The following MOXD1 variants were observed in gnomAD, a reference collection of about 807,000 sequenced individuals.
MOXD1 encodes the protein monooxygenase DBH like 1.
In MOXD1, 62 loss-of-function variants were observed where a neutral mutation model predicts 66.6. The ratio of observed to expected loss-of-function variants is 0.93; its 90% CI spans 0.76 to 1.15. The LOEUF is 1.15. MOXD1 is among the 50% of genes most tolerant of loss of function. The pLI, the probability that MOXD1 is intolerant of heterozygous loss-of-function variation, is 0.00. For synonymous variants in MOXD1, 303 were observed against 281.9 expected, an observed-to-expected ratio of 1.07 and a Z score of -0.75; for missense variants, 847 against 754.6, an observed-to-expected ratio of 1.12 and a Z score of -1.44.
intron 4 of MOXD1, among the ~76,000 whole-genome samples, chr6:132,338,463 T>C (rs990920056): frequency 6.6e-6 from 1 of 152,274 alleles, no homozygotes; most frequent in South Asian, 2.1e-4. Flanking sequence ...GGTATGGAGA[T>C]GGGGATGTCC....
chr6:132,392,125 G>A (rs1325741289), intron 1 of MOXD1: 13 of 1,452,914 alleles, frequency 8.9e-6, no homozygotes, highest in Middle Eastern at 1.8e-4. Context: ...CTTTGTCGCC[G>A]TTGGCTGGGG....
At chr6:132,397,696 AAG>A (rs1333799896) in intron 1 of MOXD1, among the ~76,000 whole-genome samples, 1 of 149,084 alleles carries the variant, frequency 6.7e-6, no homozygotes, top group Non-Finnish European at 1.5e-5. Context: ...GAAAGAAAGA[AAG>A]AAAAAGAAAG....
intron 10 of MOXD1, among the ~76,000 whole-genome samples, chr6:132,315,012 C>T (rs539609232): frequency 7.2e-5 from 11 of 152,104 alleles, no homozygotes; most frequent in Non-Finnish European, 1.5e-4. Flanking sequence ...AAATAGTAAA[C>T]GATTTCCTAT....
intron 4 of MOXD1, among the ~76,000 whole-genome samples, chr6:132,332,152 C>T (rs1440782789): frequency 6.6e-6 from 1 of 152,186 alleles, no homozygotes; most frequent in Non-Finnish European, 1.5e-5. Context: ...AATAACAAGG[C>T]TTCTCTTTGA....
At chr6:132,319,831 C>T (rs1220707469) in intron 9 of MOXD1, among the ~76,000 whole-genome samples, 1 of 151,950 alleles carries the variant, frequency 6.6e-6, no homozygotes, top group African/African-American at 2.4e-5. Context: ...TCCAGGCTTG[C>T]TAAATGTCTC....
At chr6:132,306,599 G>A (rs1439487177) in intron 10 of MOXD1, among the ~76,000 whole-genome samples, 1 of 152,106 alleles carries the variant, frequency 6.6e-6, no homozygotes, top group Non-Finnish European at 1.5e-5. Flanking sequence ...AAACTGTTAA[G>A]GGCAGCCAGA....
At position 132,297,148 on chromosome 6, in the gene MOXD1, T is replaced by C; in HGVS notation, c.*5A>G. ...AAAACATTGTCAAGTCCAACAGAAT[T>C]TTGATCACAAGCTCTTGGTGCTCAG... On this transcript the variant is annotated 3_prime_UTR_variant, in exon 12 of 12. Coordinates refer to ENST00000367963, the MANE Select transcript of MOXD1 (RefSeq NM_015529.4). 1 of 1,612,666 alleles carries C rather than the reference T, an allele frequency of 6.2e-7. No individual in the cohort carries two copies. Among genetic ancestry groups the C allele is most frequent in the Non-Finnish European group, 8.5e-7 (1 of 1,179,180 alleles).
At chr6:132,297,644 G>T in intron 11 of MOXD1, 143 bp downstream of exon 11, 1 of 1,010,330 alleles carries the variant, frequency 9.9e-7, no homozygotes, top group African/African-American at 1.6e-5. Flanking sequence ...GTCAATCCAA[G>T]TAATCATTGA....
At chr6:132,373,192 T>C (rs565654828) in intron 2 of MOXD1, among the ~76,000 whole-genome samples, 195 bp from the exon 3 acceptor site, 1 of 152,260 alleles carries the variant, frequency 6.6e-6, no homozygotes, top group African/African-American at 2.4e-5. Flanking sequence ...AATATATGAG[T>C]TACTTTTTGG....
chr6:132,364,321 G>T (rs180804080), intron 4 of MOXD1, among the ~76,000 whole-genome samples: 230 of 152,206 alleles, frequency 1.5e-3, no homozygotes, highest in Middle Eastern at 3.4e-3. Flanking sequence ...TTGTTTCAGT[G>T]CAGCCCTGAC....
chr6:132,297,758 T>C (rs373372989), intron 11 of MOXD1, 29 bp downstream of exon 11: 42 of 1,564,130 alleles, frequency 2.7e-5, no homozygotes, highest in Non-Finnish European at 3.1e-5. Context: ...ATGTGTCATC[T>C]GGGTTGTCAG....
In MOXD1 at chr6:132,345,688, A is replaced by C. The variant is rs1395312853; in HGVS notation, c.664-17094T>G. ...ATCTCCTCTTATTTTTTAATGTAAA[A>C]TTTGTATTTAGAGTAATAACTGACT... On this transcript the variant is annotated intron_variant, in intron 4 of 11. Transcript: ENST00000367963. Among the ~76,000 whole-genome samples, 3 of 152,166 alleles carry C rather than the reference A, an allele frequency of 2.0e-5. No homozygotes were observed. In the East Asian group the frequency reaches 5.8e-4, roughly 29 times the overall value.
At chr6:132,380,994 T>C (rs1433069805) in intron 1 of MOXD1, among the ~76,000 whole-genome samples, 2 of 152,158 alleles carry the variant, frequency 1.3e-5, no homozygotes, top group African/African-American at 4.8e-5. Context: ...TTTAAATCCT[T>C]TTACACAAGG....
rs769280394 is a variant in MOXD1 at position 132,297,919 on chromosome 6, A to C, written c.1545T>G (p.Tyr515Ter). 6.2e-7 allele frequency: 1 copy of C among 1,612,584 alleles called. No homozygotes were observed. Among genetic ancestry groups the C allele is most frequent in the Non-Finnish European group, 8.5e-7 (1 of 1,179,440 alleles). Residue 515 changes from tyrosine (Y) to a stop codon, truncating the protein, a stop_gained, in exon 11 of 12, where the codon TAT (tyrosine) becomes TAG (stop). Transcript: ENST00000367963. LOFTEE classifies it high-confidence loss of function. The part of the protein sequence containing the change: ...WPFIIKSPKQ[Y>*]KNLSFMDAMN... ...TAGCATCCATGAAAGAAAGGTTTTT[A>C]TATTGCTTGGGACTTTTGATAATGA...
chr6:132,385,155 C>T (rs895950135), intron 1 of MOXD1, among the ~76,000 whole-genome samples: 3 of 152,068 alleles, frequency 2.0e-5, no homozygotes, highest in Non-Finnish European at 2.9e-5. Context: ...ACAAGAAGTG[C>T]CATTTGTAGA....
chr6:132,373,424 A>G (rs1776309942), intron 2 of MOXD1, among the ~76,000 whole-genome samples: 2 of 152,234 alleles, frequency 1.3e-5, no homozygotes, highest in Non-Finnish European at 2.9e-5. Context: ...TAATACAATA[A>G]AAATTAAAAT....
chr6:132,340,646 T>C (rs1180020127), intron 4 of MOXD1, among the ~76,000 whole-genome samples: 6 of 132,688 alleles, frequency 4.5e-5, no homozygotes, highest in African/African-American at 9.0e-5. Context: ...TCATTTTTTT[T>C]TTTTTTTTTT....
In MOXD1 at chr6:132,304,802, A is replaced by G. The variant is rs1023866164; in HGVS notation, c.1509-6847T>C. On this transcript the variant is annotated intron_variant, in intron 10 of 11. Transcript: ENST00000367963. ...GAAAATAAAGCCACAAGAAAATATC[A>G]CTAGATACACATTAAAATGGATAAA... is the stretch of plus-strand genomic sequence containing the variant. Among the ~76,000 whole-genome samples the G allele has an allele frequency of 3.9e-5, 6 of 152,206 alleles. No homozygotes were observed. The South Asian group carries it at 1.2e-3, about 32-fold the overall frequency.
intron 4 of MOXD1, among the ~76,000 whole-genome samples, chr6:132,368,966 A>G (rs534174230): frequency 5.9e-5 from 9 of 152,270 alleles, no homozygotes; most frequent in Non-Finnish European, 1.2e-4. Flanking sequence ...AAGCAAAACA[A>G]TTATAACAAT....
Sources: allele counts gnomAD v4.1 joint callset (sites outside exome capture counted in the v4.1 genomes callset), GRCh38; gene constraint gnomAD v4.1.1; transcripts MANE v1.5; gene names NCBI Gene and HGNC (gene_info 2026-07-23, HGNC 2026-07-21).